PRKG1: variants seen among roughly 807,000 people sequenced by gnomAD.
PRKG1 encodes cGMP-dependent protein kinase 1.
Under a neutral mutation model 88.1 loss-of-function variants are expected in PRKG1, and 35 were observed. The ratio of observed to expected loss-of-function variants is 0.40; its 90% CI spans 0.30 to 0.53. The LOEUF (loss-of-function observed/expected upper bound fraction) is 0.53, where lower values mean the gene tolerates loss of function less well. Ranked by LOEUF, PRKG1 falls within the 20% of genes least tolerant of loss-of-function variation. The pLI, the probability that PRKG1 is intolerant of heterozygous loss-of-function variation, is 0.59. For missense variants in PRKG1, 540 were observed against 839.8 expected, an observed-to-expected ratio of 0.64 and a Z score of 4.41; for synonymous variants, 303 against 292.5, an observed-to-expected ratio of 1.04 and a Z score of -0.37.
At chr10:52,281,206 C>T (rs1445772546) in intron 13 of PRKG1, among the ~76,000 whole-genome samples, 1 of 152,008 alleles carries the variant, frequency 6.6e-6, no homozygotes, top group Non-Finnish European at 1.5e-5. Flanking sequence ...GTTTACATGC[C>T]CAGAAGTCCT....
At chr10:51,285,730 TTACCAC>T (rs1229438086) in intron 2 of PRKG1, among the ~76,000 whole-genome samples, 2 of 152,112 alleles carry the variant, frequency 1.3e-5, no homozygotes, top group Admixed American at 1.3e-4. Context: ...GTTAGAAAAG[TTACCAC>T]TAGCAGTACA....
chr10:51,292,693 C>T (rs993269173), intron 2 of PRKG1, among the ~76,000 whole-genome samples: 14 of 152,098 alleles, frequency 9.2e-5, no homozygotes, highest in African/African-American at 4.8e-5. Flanking sequence ...AGACATTTTA[C>T]GTTTTATGTT....
chr10:51,018,743 T>C (rs1446186000), intron 1 of PRKG1, among the ~76,000 whole-genome samples: 1 of 152,168 alleles, frequency 6.6e-6, no homozygotes, highest in Admixed American at 6.5e-5. Context: ...GATCTCTAGA[T>C]AGTAGGGCTC....
intron 3 of PRKG1, among the ~76,000 whole-genome samples, chr10:51,705,119 C>A (rs1841573898): frequency 6.6e-6 from 1 of 151,972 alleles, no homozygotes; most frequent in African/African-American, 2.4e-5. Flanking sequence ...TTTTCACCTC[C>A]TAGCTTTTTG....
upstream of PRKG1, among the ~76,000 whole-genome samples, chr10:51,072,055 C>A (rs1264522805): frequency 1.3e-5 from 2 of 151,982 alleles, no homozygotes. Flanking sequence ...AACTAGCCGG[C>A]GTGGTGGCGG....
At chr10:51,467,682 G>T (rs1280750075) in intron 2 of PRKG1, 41 bp from the exon 3 acceptor site, 1 of 1,486,038 alleles carries the variant, frequency 6.7e-7, no homozygotes, top group South Asian at 1.1e-5. Flanking sequence ...TGAAGCATGA[G>T]AAATAATTTA....
At chr10:51,023,058 G>T (rs990605461) in intron 1 of PRKG1, among the ~76,000 whole-genome samples, 2 of 152,180 alleles carry the variant, frequency 1.3e-5, no homozygotes, top group Non-Finnish European at 2.9e-5. Context: ...CAGATAGCTG[G>T]TAAGGCAGCC....
At chr10:51,717,069 G>A (rs1841903652) in intron 3 of PRKG1, among the ~76,000 whole-genome samples, 1 of 152,188 alleles carries the variant, frequency 6.6e-6, no homozygotes. Flanking sequence ...CAGGCAATGT[G>A]AACACACTGG....
At chr10:51,217,633 G>A (rs113754396) in intron 2 of PRKG1, among the ~76,000 whole-genome samples, 3,379 of 152,140 alleles carry the variant, frequency 0.022, 51 homozygotes, top group Middle Eastern at 0.051. Flanking sequence ...TATGAGTTAG[G>A]AATAATTTTC....
chr10:51,450,509 A>T (rs919334290), intron 2 of PRKG1, among the ~76,000 whole-genome samples: 19 of 152,098 alleles, frequency 1.2e-4, no homozygotes, highest in African/African-American at 4.3e-4. Flanking sequence ...ATGATGTTGG[A>T]CTTCTAACAA....
intron 5 of PRKG1, among the ~76,000 whole-genome samples, chr10:51,980,921 T>G (rs182132409): frequency 6.6e-6 from 1 of 152,214 alleles, no homozygotes; most frequent in Non-Finnish European, 1.5e-5. Flanking sequence ...CCAATGGGTC[T>G]TGCTTCTTTA....
intron 3 of PRKG1, among the ~76,000 whole-genome samples, chr10:51,658,747 C>A (rs551772009): frequency 2.6e-5 from 4 of 151,940 alleles, no homozygotes; most frequent in African/African-American, 4.8e-5. Context: ...TAACTTCTGG[C>A]GGTTTTCACT....
At chr10:51,954,817 C>G (rs1843265266) in intron 5 of PRKG1, among the ~76,000 whole-genome samples, 1 of 151,964 alleles carries the variant, frequency 6.6e-6, no homozygotes, top group East Asian at 1.9e-4. Context: ...TCTTTTTTCC[C>G]CCATCTGGAG....
At chr10:52,186,611 G>A (rs1361815426) in intron 9 of PRKG1, among the ~76,000 whole-genome samples, 1 of 151,908 alleles carries the variant, frequency 6.6e-6, no homozygotes, top group Non-Finnish European at 1.5e-5. Context: ...CTTGTACATT[G>A]TAGCATGTTT....
At chr10:51,717,469 C>T (rs1841913654) in intron 3 of PRKG1, among the ~76,000 whole-genome samples, 1 of 152,146 alleles carries the variant, frequency 6.6e-6, no homozygotes, top group African/African-American at 2.4e-5. Flanking sequence ...TGCTTAACTC[C>T]AGGCACATCC....
chr10:51,830,768 G>T (rs545913186), intron 4 of PRKG1, among the ~76,000 whole-genome samples: 2 of 151,818 alleles, frequency 1.3e-5, no homozygotes, highest in Admixed American at 6.6e-5. Flanking sequence ...CTTCATGTTG[G>T]CCAGGCTGGT....
chr10:51,137,395 T>C (rs1564614344), intron 1 of PRKG1, among the ~76,000 whole-genome samples: 2 of 152,190 alleles, frequency 1.3e-5, no homozygotes, highest in Admixed American at 6.5e-5. Flanking sequence ...CCAAGCTAAC[T>C]GAAATCAAAG....
At chr10:51,163,437 G>A (rs1203436893) in intron 2 of PRKG1, among the ~76,000 whole-genome samples, 3 of 152,184 alleles carry the variant, frequency 2.0e-5, no homozygotes, top group African/African-American at 7.2e-5. Flanking sequence ...AACAGCTCCG[G>A]TCTACAGCTC....
chr10:51,365,754 G>A (rs973938087), intron 2 of PRKG1, among the ~76,000 whole-genome samples: 2 of 151,752 alleles, frequency 1.3e-5, no homozygotes, highest in African/African-American at 2.4e-5. Flanking sequence ...CATCATTTTT[G>A]GGGGATATTC....
Sources: gnomAD v4.1 joint callset for allele counts (sites outside exome capture counted in the v4.1 genomes callset) on GRCh38, gnomAD v4.1.1 for gene constraint, MANE v1.5 for transcripts, NCBI Gene and HGNC (gene_info 2026-07-23, HGNC 2026-07-21) for gene names.